WDPCP: variants seen among roughly 807,000 people sequenced by gnomAD.
WDPCP encodes WD repeat containing planar cell polarity effector.
Under a neutral mutation model 93.1 loss-of-function variants are expected in WDPCP, and 71 were observed. The ratio of observed to expected loss-of-function variants is 0.76; its 90% CI spans 0.63 to 0.93. The LOEUF is 0.93. WDPCP is among the 40% of genes least tolerant of loss of function. The pLI is 0.00. For synonymous variants in WDPCP, 315 were observed against 315.0 expected, an observed-to-expected ratio of 1.00 and a Z score of 0.00; for missense variants, 844 against 887.4, an observed-to-expected ratio of 0.95 and a Z score of 0.62.
chr2:63,485,726 T>C (rs1278707104), intron 4 of WDPCP, among the ~76,000 whole-genome samples: 1 of 151,864 alleles, frequency 6.6e-6, no homozygotes, highest in Non-Finnish European at 1.5e-5. Flanking sequence ...ATGTCTATTT[T>C]ATCAGAAAAA....
intron 1 of WDPCP, among the ~76,000 whole-genome samples, chr2:63,524,433 C>A (rs1703168370): frequency 6.6e-6 from 1 of 152,130 alleles, no homozygotes; most frequent in Non-Finnish European, 1.5e-5. Context: ...CAACAGAGAA[C>A]CCAGAAATAA....
chr2:63,254,028 C>T (rs1254114200), intron 14 of WDPCP, among the ~76,000 whole-genome samples: 1 of 152,116 alleles, frequency 6.6e-6, no homozygotes, highest in Non-Finnish European at 1.5e-5. Context: ...AGTATATATA[C>T]ACCATGGAAA....
intron 15 of WDPCP, among the ~76,000 whole-genome samples, chr2:63,156,721 G>C (rs1672279414): frequency 6.6e-6 from 1 of 152,194 alleles, no homozygotes; most frequent in Non-Finnish European, 1.5e-5. Context: ...CTGGGTGACA[G>C]AGCGAGACTC....
chr2:63,621,169 T>C (rs1229229501), intron 3 of WDPCP, among the ~76,000 whole-genome samples: 1 of 151,278 alleles, frequency 6.6e-6, no homozygotes. Flanking sequence ...GAAAAATGAG[T>C]TTGACAAATT....
At chr2:63,327,695 C>A (rs1397550873) in intron 12 of WDPCP, among the ~76,000 whole-genome samples, 4 of 152,166 alleles carry the variant, frequency 2.6e-5, no homozygotes, top group East Asian at 1.9e-4. Flanking sequence ...CGTAAACCAA[C>A]CTCTGGAGTT....
rs1199879111 is a variant in WDPCP at position 63,759,500 on chromosome 2, C to G, written n.308+54122G>C. ...AATGTGAGGCTTTTTGTCCAGGAAG[C>G]AGGAAACATGTATTGTTACAGGAAC... On this transcript the variant is annotated intron_variant and non_coding_transcript_variant, in intron 2 of 4. Coordinates refer to the WDPCP transcript ENST00000467687. Among the ~76,000 whole-genome samples, 5 of 152,316 alleles carry G rather than the reference C, an allele frequency of 3.3e-5. No individual in the cohort carries two copies. The East Asian group carries it at 9.6e-4, about 29-fold the overall frequency.
chr2:63,632,774 A>G (rs1709877697), intron 3 of WDPCP, among the ~76,000 whole-genome samples: 1 of 152,016 alleles, frequency 6.6e-6, no homozygotes, highest in African/African-American at 2.4e-5. Context: ...GCAGAAGGAG[A>G]AGAGAGAGAG....
intron 9 of WDPCP, among the ~76,000 whole-genome samples, chr2:63,426,087 C>T (rs913105559): frequency 6.6e-6 from 1 of 152,186 alleles, no homozygotes; most frequent in Non-Finnish European, 1.5e-5. Flanking sequence ...CGCCTGTAAT[C>T]CCAGCACTCT....
intron 9 of WDPCP, among the ~76,000 whole-genome samples, chr2:63,419,673 A>G (rs1215835031): frequency 6.6e-6 from 1 of 152,226 alleles, no homozygotes; most frequent in African/African-American, 2.4e-5. Flanking sequence ...AAAATCAGGA[A>G]AACACAAAAA....
chr2:63,800,684 G>A (rs1394270902), intron 2 of WDPCP, among the ~76,000 whole-genome samples: 2 of 152,112 alleles, frequency 1.3e-5, no homozygotes, highest in Non-Finnish European at 2.9e-5. Context: ...TTTACTTATA[G>A]GTAACACTAA....
At chr2:63,213,777 T>A (rs767946257) in intron 14 of WDPCP, among the ~76,000 whole-genome samples, 1 of 151,604 alleles carries the variant, frequency 6.6e-6, no homozygotes, top group Non-Finnish European at 1.5e-5. Flanking sequence ...ACAACAAAAA[T>A]GATAAAGGGG....
At chr2:63,558,780 G>A (rs7571325) in intron 1 of WDPCP, among the ~76,000 whole-genome samples, 122,273 of 152,098 alleles carry the variant, frequency 0.8, 49,811 homozygotes, top group East Asian at 0.98. Context: ...TGAAATTGAG[G>A]CAGCAACAAA....
intron 14 of WDPCP, among the ~76,000 whole-genome samples, chr2:63,175,781 T>G (rs1487611203): frequency 6.6e-6 from 1 of 152,232 alleles, no homozygotes; most frequent in Non-Finnish European, 1.5e-5. Context: ...TTTTTAAGAC[T>G]GAATAGTAAG....
chr2:63,375,450 T>C (rs1205126550), intron 12 of WDPCP, among the ~76,000 whole-genome samples: 2 of 151,982 alleles, frequency 1.3e-5, no homozygotes, highest in Non-Finnish European at 2.9e-5. Flanking sequence ...ATATCAAGAC[T>C]GTGCTTCTAC....
intron 12 of WDPCP, among the ~76,000 whole-genome samples, chr2:63,320,981 GA>G (rs1057054701): frequency 4.6e-5 from 7 of 151,880 alleles, no homozygotes; most frequent in African/African-American, 1.7e-4. Flanking sequence ...TACATAAATA[GA>G]AAAATGTAAA....
At chr2:63,218,335 G>T (rs992025362) in intron 14 of WDPCP, among the ~76,000 whole-genome samples, 1 of 151,922 alleles carries the variant, frequency 6.6e-6, no homozygotes, top group Non-Finnish European at 1.5e-5. Context: ...ATTCAGGAAG[G>T]GATATTAGCA....
intron 9 of WDPCP, among the ~76,000 whole-genome samples, chr2:63,424,377 GAGAGA>G (rs1306672650): frequency 6.6e-6 from 1 of 152,092 alleles, no homozygotes; most frequent in East Asian, 1.9e-4. Context: ...ACTGAGCCAG[GAGAGA>G]AGAGGACTGT....
chr2:63,313,853 C>CATATATAT lies in WDPCP; in HGVS notation c.1749-550_1749-543dup, dbSNP rs1239251914. On this transcript the variant is annotated intron_variant, in intron 12 of 17. Coordinates refer to ENST00000272321, the MANE Select transcript of WDPCP (RefSeq NM_015910.7). ...TATCTGGCAATACTAATTATTCATA[C>CATATATAT]ATATATATATATATATATATATATA... Among the ~76,000 whole-genome samples, 28 of 38,532 alleles carry CATATATAT rather than the reference C, an allele frequency of 7.3e-4. 1 individual carries two copies. The highest frequency in any genetic ancestry group is 1.2e-3 in the South Asian group (1 of 816). The allele number at this position is 38,532 out of a possible 152,430, so 25.3% of individuals were successfully genotyped here. A position where few individuals can be genotyped will look rare whatever the true frequency, so the allele number is the denominator to read the frequency against.
chr2:63,746,002 A>T, intron 2 of WDPCP, among the ~76,000 whole-genome samples: 1 of 152,170 alleles, frequency 6.6e-6, no homozygotes, highest in East Asian at 1.9e-4. Flanking sequence ...AATGAAGGTG[A>T]GCATGTTTTC....
Sources: allele counts gnomAD v4.1 joint callset (sites outside exome capture counted in the v4.1 genomes callset), GRCh38; gene constraint gnomAD v4.1.1; transcripts MANE v1.5; gene names NCBI Gene and HGNC (gene_info 2026-07-23, HGNC 2026-07-21).